Variants in DDX10 observed in about 807,000 individuals in gnomAD.
DDX10 encodes DEAD-box helicase 10, also known as probable ATP-dependent RNA helicase DDX10.
In DDX10, 74 loss-of-function variants were observed where a neutral mutation model predicts 104.3. The observed-to-expected ratio is 0.71, with a 90% confidence interval of 0.59 to 0.86. DDX10 has a LOEUF of 0.86. Among genes scored for constraint, DDX10 ranks in the 40% least tolerant of loss-of-function variants. The probability of loss-of-function intolerance (pLI) is 0.00; values close to 1 mark genes in which losing one functional copy is unlikely to be tolerated. For synonymous variants in DDX10, 351 were observed against 353.4 expected, an observed-to-expected ratio of 0.99 and a Z score of 0.08; for missense variants, 952 against 1,040.0, an observed-to-expected ratio of 0.92 and a Z score of 1.16.
At chr11:108,703,655 T>C (rs1330896848) in intron 9 of DDX10, among the ~76,000 whole-genome samples, 1 of 137,892 alleles carries the variant, frequency 7.3e-6, no homozygotes, top group Non-Finnish European at 1.6e-5. Context: ...GAAGAACACT[T>C]ATTTCTTATA....
At chr11:108,916,164 T>A (rs909367493) in intron 16 of DDX10, among the ~76,000 whole-genome samples, 3 of 152,144 alleles carry the variant, frequency 2.0e-5, no homozygotes, top group Admixed American at 6.5e-5. Flanking sequence ...CCAAAAAGTT[T>A]AGAACTGTTT....
intron 10 of DDX10, among the ~76,000 whole-genome samples, chr11:108,711,939 T>C (rs1463457677): frequency 6.6e-6 from 1 of 152,224 alleles, no homozygotes; most frequent in Non-Finnish European, 1.5e-5. Context: ...GATTCATCTT[T>C]CTGGTTGCAA....
At chr11:108,906,002 C>A (rs1042467898) in intron 16 of DDX10, among the ~76,000 whole-genome samples, 8 of 152,222 alleles carry the variant, frequency 5.3e-5, no homozygotes, top group Non-Finnish European at 8.8e-5. Context: ...CCCACAGGCT[C>A]CACCTCCAGC....
chr11:108,666,815 A>G (rs987849097), intron 1 of DDX10, among the ~76,000 whole-genome samples: 2 of 152,216 alleles, frequency 1.3e-5, no homozygotes, highest in African/African-American at 4.8e-5. Flanking sequence ...TAATTTAATC[A>G]CATCTGAAAA....
At chr11:108,851,925 T>G (rs1862797981) in intron 15 of DDX10, among the ~76,000 whole-genome samples, 1 of 152,206 alleles carries the variant, frequency 6.6e-6, no homozygotes, top group South Asian at 2.1e-4. Context: ...AACCATTGCA[T>G]AGCCAGAGTA....
intron 13 of DDX10, among the ~76,000 whole-genome samples, chr11:108,761,364 T>A (rs2094350656): frequency 6.6e-6 from 1 of 152,038 alleles, no homozygotes; most frequent in Non-Finnish European, 1.5e-5. Context: ...CGCCTCTAAA[T>A]TTTTTTTGTG....
chr11:108,901,968 A>G (rs1437097212), intron 16 of DDX10, among the ~76,000 whole-genome samples: 1 of 152,212 alleles, frequency 6.6e-6, no homozygotes, highest in African/African-American at 2.4e-5. Context: ...GAACTTGTGG[A>G]TAACTTCATT....
intron 16 of DDX10, among the ~76,000 whole-genome samples, chr11:108,910,310 G>A (rs767323103): frequency 3.9e-5 from 6 of 152,200 alleles, no homozygotes; most frequent in Admixed American, 6.5e-5. Flanking sequence ...ACCTTGGTAA[G>A]TAATTTAGTC....
chr11:108,937,330 CTGAAAAAATTAAAA>C (rs1194461701), intron 17 of DDX10, among the ~76,000 whole-genome samples: 1 of 152,078 alleles, frequency 6.6e-6, no homozygotes, highest in Non-Finnish European at 1.5e-5. Flanking sequence ...CTACAAGTAT[CTGAAAAAATTAAAA>C]TGGTGAAACC....
In DDX10 at chr11:108,794,598, A is replaced by G. The variant is rs534905432; in HGVS notation, c.1966-43848A>G. Among the ~76,000 whole-genome samples the G allele has an allele frequency of 2.4e-4, 37 of 151,978 alleles. 1 individual carries two copies. In the South Asian group the frequency reaches 7.7e-3, roughly 32 times the overall value. ...CACAAATGGGTCTTGAATTTTGTCA[A>G]ATGCCTTTTTTACATTATTAAGACA... On this transcript the variant is annotated intron_variant, in intron 13 of 17. Coordinates refer to ENST00000322536, the MANE Select transcript of DDX10 (RefSeq NM_004398.4).
intron 16 of DDX10, among the ~76,000 whole-genome samples, chr11:108,915,504 CT>C (rs1863736426): frequency 1.3e-5 from 2 of 148,988 alleles, no homozygotes; most frequent in South Asian, 2.1e-4. Flanking sequence ...ACAAATGTGA[CT>C]TTAAAAAAAT....
intron 13 of DDX10, among the ~76,000 whole-genome samples, chr11:108,791,696 G>A (rs1441898788): frequency 6.6e-6 from 1 of 152,128 alleles, no homozygotes; most frequent in African/African-American, 2.4e-5. Flanking sequence ...TTTCCAGAAT[G>A]GAAACCTTGT....
intron 1 of DDX10, among the ~76,000 whole-genome samples, chr11:108,668,709 G>A (rs2094213167): frequency 6.6e-6 from 1 of 152,118 alleles, no homozygotes; most frequent in African/African-American, 2.4e-5. Flanking sequence ...CTAGGCGGGT[G>A]TGAGTATATA....
chr11:108,723,691 A>G (rs1398063111), intron 13 of DDX10, among the ~76,000 whole-genome samples: 2 of 152,118 alleles, frequency 1.3e-5, no homozygotes, highest in African/African-American at 2.4e-5. Flanking sequence ...AATCTTATTT[A>G]CTGGTTTTCT....
At chr11:108,729,582 CT>C (rs541762222) in intron 13 of DDX10, among the ~76,000 whole-genome samples, 6,410 of 146,718 alleles carry the variant, frequency 0.044, 188 homozygotes, top group Non-Finnish European at 0.066. Flanking sequence ...TGTTGCAGGC[CT>C]TTTTTTTTTT....
At chr11:108,760,752 A>T (rs2094349871) in intron 13 of DDX10, among the ~76,000 whole-genome samples, 1 of 151,164 alleles carries the variant, frequency 6.6e-6, no homozygotes, top group Non-Finnish European at 1.5e-5. Context: ...TTTGTATCTC[A>T]ATAACTTAGA....
chr11:108,803,377 T>A (rs1862051455), intron 13 of DDX10, among the ~76,000 whole-genome samples: 1 of 151,914 alleles, frequency 6.6e-6, no homozygotes, highest in Admixed American at 6.6e-5. Flanking sequence ...GCGGATCACC[T>A]GCGGTCGTGA....
At chr11:108,677,271 T>G (rs1387130124) in intron 4 of DDX10, 28 bp downstream of exon 4, 1 of 1,597,488 alleles carries the variant, frequency 6.3e-7, no homozygotes, top group African/African-American at 1.3e-5. Context: ...TGTCCTTCCT[T>G]TCCTTCTGTA....
At chr11:108,712,325 T>C (rs994854736) in intron 10 of DDX10, among the ~76,000 whole-genome samples, 25 of 152,230 alleles carry the variant, frequency 1.6e-4, no homozygotes, top group African/African-American at 5.8e-4. Flanking sequence ...TGGATGAATA[T>C]CTAATGTATT....
Sources: allele counts gnomAD v4.1 joint callset (sites outside exome capture counted in the v4.1 genomes callset), GRCh38; gene constraint gnomAD v4.1.1; transcripts MANE v1.5; gene names NCBI Gene and HGNC (gene_info 2026-07-23, HGNC 2026-07-21).